Variants in UBE2G1 observed in about 807,000 individuals in gnomAD.
UBE2G1 encodes the protein ubiquitin-conjugating enzyme E2 G1.
Under a neutral mutation model 22.7 loss-of-function variants are expected in UBE2G1, and 5 were observed. That is an observed-to-expected ratio of 0.22 (90% CI 0.12 to 0.46). The LOEUF (loss-of-function observed/expected upper bound fraction) is 0.46, where lower values mean the gene tolerates loss of function less well. UBE2G1 is among the 20% of genes least tolerant of loss of function. The pLI is 0.99. For missense variants in UBE2G1, 88 were observed against 203.9 expected (o/e 0.43, Z 3.46); for synonymous variants, 74 against 67.5 (o/e 1.10, Z -0.47).
At chr17:4,274,041 C>T (rs12600975) in intron 5 of UBE2G1, among the ~76,000 whole-genome samples, 82,768 of 151,242 alleles carry the variant, frequency 0.55, 25,690 homozygotes, top group East Asian at 0.77. Flanking sequence ...GCTGCAGTGG[C>T]GCGATCTCGG....
intron 5 of UBE2G1, among the ~76,000 whole-genome samples, chr17:4,278,236 C>CA (rs1968844042): frequency 1.3e-5 from 2 of 152,186 alleles, no homozygotes; most frequent in Non-Finnish European, 2.9e-5. Context: ...AGCCTTAATA[C>CA]AAAAAAATTG....
At chr17:4,304,460 T>G (rs1969225262) in intron 2 of UBE2G1, among the ~76,000 whole-genome samples, 1 of 152,282 alleles carries the variant, frequency 6.6e-6, no homozygotes, top group Admixed American at 6.5e-5. Flanking sequence ...ACTACTGCAC[T>G]GGAAAGACTC....
chr17:4,301,370 A>G, intron 2 of UBE2G1: 1 of 539,540 alleles, frequency 1.9e-6, no homozygotes, highest in South Asian at 1.7e-5. Context: ...ATGAGAAAGC[A>G]TGGGTGCTGC....
intron 1 of UBE2G1, among the ~76,000 whole-genome samples, chr17:4,308,476 G>C (rs1969272229): frequency 1.3e-5 from 2 of 152,142 alleles, no homozygotes; most frequent in Admixed American, 1.3e-4. Context: ...ATCAAGCCAA[G>C]ATCACGCCAT....
intron 5 of UBE2G1, among the ~76,000 whole-genome samples, chr17:4,281,264 C>T (rs756062032): frequency 6.6e-6 from 1 of 152,058 alleles, no homozygotes; most frequent in Non-Finnish European, 1.5e-5. Flanking sequence ...GAATATTGAG[C>T]AATAAAAGTA....
chr17:4,284,377 T>A (rs1205624056), intron 4 of UBE2G1, among the ~76,000 whole-genome samples: 1 of 151,974 alleles, frequency 6.6e-6, no homozygotes, highest in Non-Finnish European at 1.5e-5. Context: ...GGCAGGTGGA[T>A]CACCTGAGGT....
At chr17:4,285,678 G>A (rs56053983) in intron 4 of UBE2G1, among the ~76,000 whole-genome samples, 4,990 of 152,240 alleles carry the variant, frequency 0.033, 303 homozygotes, top group African/African-American at 0.11. Context: ...GCGGCCGGGC[G>A]AGGTGGCTCA....
chr17:4,341,229 T>C (rs1969708889), intron 1 of UBE2G1, among the ~76,000 whole-genome samples: 3 of 152,150 alleles, frequency 2.0e-5, no homozygotes, highest in African/African-American at 7.2e-5. Context: ...GCTTACTGGG[T>C]ACTATGTTCT....
chr17:4,337,545 C>G (rs558586038), intron 1 of UBE2G1, among the ~76,000 whole-genome samples: 1 of 149,738 alleles, frequency 6.7e-6, no homozygotes, highest in African/African-American at 2.5e-5. Context: ...CCCAGCTACT[C>G]GGAAGGCTGA....
chr17:4,312,861 G>A (rs1335688788), intron 1 of UBE2G1, among the ~76,000 whole-genome samples: 1 of 151,888 alleles, frequency 6.6e-6, no homozygotes, highest in Non-Finnish European at 1.5e-5. Flanking sequence ...GGCCACAGTT[G>A]CCCTCGGCAT....
At chr17:4,360,543 AAAT>A (rs1969954918) in intron 1 of UBE2G1, among the ~76,000 whole-genome samples, 1 of 152,382 alleles carries the variant, frequency 6.6e-6, no homozygotes, top group African/African-American at 2.4e-5. Context: ...CCACTCTATT[AAAT>A]AATGATAAAT....
chr17:4,322,036 C>G (rs1323728766), intron 1 of UBE2G1, among the ~76,000 whole-genome samples: 2 of 152,150 alleles, frequency 1.3e-5, no homozygotes, highest in Non-Finnish European at 2.9e-5. Context: ...TTTTGAAATG[C>G]AACAATCTGA....
intron 1 of UBE2G1, among the ~76,000 whole-genome samples, chr17:4,315,694 C>G (rs1395135350): frequency 6.7e-6 from 1 of 150,010 alleles, no homozygotes; most frequent in Non-Finnish European, 1.5e-5. Context: ...GAGCCGAGAT[C>G]GCGCCACTGC....
intron 1 of UBE2G1, among the ~76,000 whole-genome samples, chr17:4,365,732 G>C (rs1597271572): frequency 6.6e-6 from 1 of 152,210 alleles, no homozygotes; most frequent in Non-Finnish European, 1.5e-5. Context: ...GCCGAGGCCA[G>C]CGCTTTTGTT....
intron 4 of UBE2G1, among the ~76,000 whole-genome samples, chr17:4,285,361 T>A (rs920364452): frequency 2.0e-5 from 3 of 152,104 alleles, no homozygotes; most frequent in African/African-American, 7.2e-5. Flanking sequence ...AATTTTCACA[T>A]CAGCAATAAG....
intron 5 of UBE2G1, among the ~76,000 whole-genome samples, chr17:4,281,420 C>CA (rs1968889929): frequency 6.6e-6 from 1 of 152,102 alleles, no homozygotes; most frequent in South Asian, 2.1e-4. Flanking sequence ...CAGAAGAAAG[C>CA]AGCGGAGTGT....
At position 4,269,566 on chromosome 17, in the gene UBE2G1, T is replaced by C. The variant is rs1968727163; in HGVS notation, c.*2988A>G. ...TCAAATAAAATCTCACAACCAAGAA[T>C]GAAGGCCGTTAAAGATACTGACACC... On this transcript the variant is annotated 3_prime_UTR_variant, in exon 6 of 6. Transcript: ENST00000396981. 1 of 186,052 alleles carries C rather than the reference T, an allele frequency of 5.4e-6. No homozygotes were observed. The highest frequency in any genetic ancestry group is 4.2e-5 in the Admixed American group (1 of 23,620). 11.5% of individuals were successfully genotyped at this position (186,052 alleles called of 1,614,324 possible).
chr17:4,278,184 G>A (rs1815077742), intron 5 of UBE2G1, among the ~76,000 whole-genome samples: 1 of 152,182 alleles, frequency 6.6e-6, no homozygotes, highest in African/African-American at 2.4e-5. Flanking sequence ...ACATGCATGC[G>A]CCACCGCGCC....
At chr17:4,334,287 T>C (rs1341121934) in intron 1 of UBE2G1, among the ~76,000 whole-genome samples, 1 of 152,078 alleles carries the variant, frequency 6.6e-6, no homozygotes, top group East Asian at 1.9e-4. Flanking sequence ...AAAAAATCTT[T>C]GGGAAAAAGT....
Sources: gnomAD v4.1 joint callset for allele counts (sites outside exome capture counted in the v4.1 genomes callset) on GRCh38, gnomAD v4.1.1 for gene constraint, MANE v1.5 for transcripts, NCBI Gene and HGNC (gene_info 2026-07-23, HGNC 2026-07-21) for gene names.